The following LSAMP variants were observed in gnomAD, a reference collection of about 807,000 sequenced individuals.
LSAMP encodes limbic system-associated membrane protein.
Under a neutral mutation model 38.6 loss-of-function variants are expected in LSAMP, and 7 were observed. That is an observed-to-expected ratio of 0.18 (90% CI 0.10 to 0.34). The LOEUF is 0.34. Among genes scored for constraint, LSAMP ranks in the 10% least tolerant of loss-of-function variants. LSAMP has a pLI of 1.00. For missense variants in LSAMP, 313 were observed against 420.0 expected (o/e 0.75, Z 2.23); for synonymous variants, 154 against 166.8 (o/e 0.92, Z 0.59).
At chr3:116,113,707 G>A (rs1307119087) in intron 1 of LSAMP, among the ~76,000 whole-genome samples, 1 of 151,956 alleles carries the variant, frequency 6.6e-6, no homozygotes, top group Non-Finnish European at 1.5e-5. Context: ...TTACAGGCGT[G>A]AGCCACCGCG....
At chr3:116,357,404 C>T (rs2048240273) in intron 1 of LSAMP, among the ~76,000 whole-genome samples, 1 of 152,096 alleles carries the variant, frequency 6.6e-6, no homozygotes, top group African/African-American at 2.4e-5. Context: ...TTGTTGAAGA[C>T]TCCCAAAGTC....
chr3:115,983,960 T>C (rs1275893311), intron 3 of LSAMP, among the ~76,000 whole-genome samples: 1 of 152,122 alleles, frequency 6.6e-6, no homozygotes, highest in Admixed American at 6.6e-5. Flanking sequence ...ATTTGTGCTA[T>C]AGAACAATAA....
chr3:115,888,847 A>T (rs925517280), intron 3 of LSAMP, among the ~76,000 whole-genome samples: 4 of 151,912 alleles, frequency 2.6e-5, no homozygotes, highest in African/African-American at 9.7e-5. Flanking sequence ...GGCTGGTGAG[A>T]TTATTTAGAA....
intron 3 of LSAMP, among the ~76,000 whole-genome samples, chr3:115,951,497 A>G (rs1938287360): frequency 6.6e-6 from 1 of 152,192 alleles, no homozygotes; most frequent in Non-Finnish European, 1.5e-5. Flanking sequence ...GGATTGAAGG[A>G]TGCAAAGTAT....
intron 3 of LSAMP, among the ~76,000 whole-genome samples, chr3:115,862,943 G>A (rs1370521823): frequency 6.6e-6 from 1 of 152,192 alleles, no homozygotes; most frequent in African/African-American, 2.4e-5. Context: ...GCACTTGCCT[G>A]TTCTTGAAAG....
intron 1 of LSAMP, among the ~76,000 whole-genome samples, chr3:116,145,671 T>C (rs888275005): frequency 1.3e-5 from 2 of 152,000 alleles, no homozygotes; most frequent in Non-Finnish European, 2.9e-5. Flanking sequence ...CCTAGCCAAA[T>C]AGACACCATA....
At chr3:116,303,586 C>T (rs895988285) in intron 1 of LSAMP, among the ~76,000 whole-genome samples, 5 of 152,168 alleles carry the variant, frequency 3.3e-5, no homozygotes, top group African/African-American at 1.2e-4. Context: ...TTATTCCACA[C>T]TGGTAAAAAC....
rs566849024 is a variant in LSAMP at position 116,304,116 on chromosome 3, G to T, written c.155+140761C>A. 7.2e-5 allele frequency among the ~76,000 whole-genome samples: 11 copies of T among 152,262 alleles called. No homozygotes were observed. In the South Asian group the frequency reaches 2.3e-3, roughly 31 times the overall value. On this transcript the variant is annotated intron_variant, in intron 1 of 6. Coordinates refer to ENST00000490035, the MANE Select transcript of LSAMP (RefSeq NM_002338.5). ...CTTACTTGGTAAGACGTTCTCTGCA[G>T]TTCAACAAAGATACTTAGCTATCGC...
chr3:116,024,875 T>C (rs1940743316), intron 2 of LSAMP, among the ~76,000 whole-genome samples: 1 of 151,526 alleles, frequency 6.6e-6, no homozygotes, highest in African/African-American at 2.4e-5. Context: ...TGGGTAAATA[T>C]CACATAGCTA....
chr3:116,091,551 TGG>T (rs1406297646), intron 1 of LSAMP, among the ~76,000 whole-genome samples: 1 of 152,214 alleles, frequency 6.6e-6, no homozygotes, highest in African/African-American at 2.4e-5. Flanking sequence ...AGTATTAATT[TGG>T]GGAACTAATA....
intron 1 of LSAMP, among the ~76,000 whole-genome samples, chr3:116,139,279 A>T (rs982295812): frequency 1.3e-5 from 2 of 151,862 alleles, no homozygotes; most frequent in East Asian, 1.9e-4. Flanking sequence ...TGAAAGGATG[A>T]CTCTTTGCCT....
chr3:116,159,827 A>C (rs1709839837), intron 1 of LSAMP, among the ~76,000 whole-genome samples: 4 of 152,322 alleles, frequency 2.6e-5, no homozygotes, highest in Admixed American at 6.5e-5. Flanking sequence ...AAACAACCTA[A>C]ATGCCCAATA....
intron 1 of LSAMP, among the ~76,000 whole-genome samples, chr3:116,271,532 G>C (rs149648224): frequency 6.6e-6 from 1 of 152,192 alleles, no homozygotes; most frequent in Non-Finnish European, 1.5e-5. Flanking sequence ...TCAAATTTTA[G>C]ATTTCTTTGG....
At chr3:116,213,416 C>T (rs377334080) in intron 1 of LSAMP, among the ~76,000 whole-genome samples, 39 of 152,304 alleles carry the variant, frequency 2.6e-4, no homozygotes, top group African/African-American at 8.9e-4. Flanking sequence ...ATGACTTGCT[C>T]CTCCTAGCCT....
chr3:115,918,479 G>C (rs945588460), intron 3 of LSAMP, among the ~76,000 whole-genome samples: 1 of 152,080 alleles, frequency 6.6e-6, no homozygotes, highest in East Asian at 1.9e-4. Context: ...TGGGAGAAGG[G>C]GGCATTTTGT....
intron 3 of LSAMP, among the ~76,000 whole-genome samples, chr3:115,946,822 T>C (rs925464275): frequency 6.6e-6 from 1 of 151,950 alleles, no homozygotes; most frequent in African/African-American, 2.4e-5. Flanking sequence ...ACCAAAAATA[T>C]ACGAATAAAA....
At position 116,081,092 on chromosome 3, in the gene LSAMP, G is replaced by A. The variant is rs568721065; in HGVS notation, c.388+5232C>T. On this transcript the variant is annotated intron_variant, in intron 2 of 6. Coordinates refer to ENST00000490035, the MANE Select transcript of LSAMP (RefSeq NM_002338.5). ...GGTAACAGATTTTGGTCAGCATTTG[G>A]AATGGTTAACAGAATTGCAAAACTT... 1.6e-4 allele frequency among the ~76,000 whole-genome samples: 25 copies of A among 152,272 alleles called. No homozygotes were observed. In the South Asian group the frequency reaches 4.6e-3, roughly 28 times the overall value.
intron 3 of LSAMP, among the ~76,000 whole-genome samples, chr3:115,860,343 G>C (rs1935638525): frequency 6.6e-6 from 1 of 152,182 alleles, no homozygotes; most frequent in African/African-American, 2.4e-5. Context: ...TGGACGTTTG[G>C]GACTCATGTT....
At chr3:116,124,950 C>T (rs191656993) in intron 1 of LSAMP, among the ~76,000 whole-genome samples, 11 of 152,074 alleles carry the variant, frequency 7.2e-5, no homozygotes, top group South Asian at 4.2e-4. Flanking sequence ...TGGATAAATC[C>T]GATAACAGTG....
Sources: gnomAD v4.1 joint callset for allele counts (sites outside exome capture counted in the v4.1 genomes callset) on GRCh38, gnomAD v4.1.1 for gene constraint, MANE v1.5 for transcripts, NCBI Gene and HGNC (gene_info 2026-07-23, HGNC 2026-07-21) for gene names.